The following LGSN variants were observed in gnomAD, a reference collection of about 807,000 sequenced individuals.
LGSN encodes the protein lengsin.
LGSN carries 21 observed loss-of-function variants against 19.5 expected under a neutral mutation model. The ratio of observed to expected loss-of-function variants is 1.07; its 90% CI spans 0.76 to 1.55. The LOEUF (loss-of-function observed/expected upper bound fraction) is 1.55, where lower values mean the gene tolerates loss of function less well. Among genes scored for constraint, LGSN ranks in the 40% most tolerant of loss-of-function variants. The pLI is 0.00. For synonymous variants in LGSN, 257 were observed against 215.6 expected, an observed-to-expected ratio of 1.19 and a Z score of -1.68; for missense variants, 673 against 608.5, an observed-to-expected ratio of 1.11 and a Z score of -1.12.
At chr6:63,492,879 C>A in the LGSN span, among the ~76,000 whole-genome samples, 2 of 152,122 alleles carry the variant, frequency 1.3e-5, no homozygotes, top group African/African-American at 2.4e-5. Flanking sequence ...TAAAGATATT[C>A]GAAGTTATAT....
At chr6:63,328,354 A>G in the LGSN span, among the ~76,000 whole-genome samples, 1 of 152,160 alleles carries the variant, frequency 6.6e-6, no homozygotes, top group Non-Finnish European at 1.5e-5. Context: ...CTGGGAGAAA[A>G]GGGGCAGGGT....
At chr6:63,332,004 A>G in the LGSN span, among the ~76,000 whole-genome samples, 2 of 152,140 alleles carry the variant, frequency 1.3e-5, no homozygotes, top group Non-Finnish European at 2.9e-5. Flanking sequence ...AGGGATCTTC[A>G]GGGTTGGAAG....
chr6:63,500,171 G>T, the LGSN span, among the ~76,000 whole-genome samples: 1 of 152,006 alleles, frequency 6.6e-6, no homozygotes, highest in Non-Finnish European at 1.5e-5. Flanking sequence ...GTTAACAGAG[G>T]CCCCTCCCTT....
At chr6:63,422,747 T>A in the LGSN span, among the ~76,000 whole-genome samples, 1 of 151,852 alleles carries the variant, frequency 6.6e-6, no homozygotes, top group Non-Finnish European at 1.5e-5. Flanking sequence ...CAAAATACAA[T>A]TCTAAAAATT....
At chr6:63,548,444 C>T in the LGSN span, among the ~76,000 whole-genome samples, 1 of 152,284 alleles carries the variant, frequency 6.6e-6, no homozygotes, top group Admixed American at 6.5e-5. Context: ...ATTTATATGT[C>T]CTTATGCCAC....
chr6:63,411,003 C>G, the LGSN span, among the ~76,000 whole-genome samples: 2 of 152,136 alleles, frequency 1.3e-5, no homozygotes, highest in African/African-American at 4.8e-5. Context: ...GAGACACCTA[C>G]TGAGTTAGTA....
the LGSN span, among the ~76,000 whole-genome samples, chr6:63,427,577 C>A: frequency 6.6e-6 from 1 of 152,072 alleles, no homozygotes. Flanking sequence ...AAAACAAATA[C>A]ACAGCATAAA....
At chr6:63,442,623 T>C in the LGSN span, among the ~76,000 whole-genome samples, 13 of 151,998 alleles carry the variant, frequency 8.6e-5, 1 homozygote, top group Admixed American at 5.9e-4. Flanking sequence ...TGCTGACTGG[T>C]ACGTTTACAA....
chr6:63,383,371 TACACACACAC>T, the LGSN span, among the ~76,000 whole-genome samples: 2 of 139,198 alleles, frequency 1.4e-5, no homozygotes, highest in East Asian at 2.1e-4. Context: ...AACCATTACT[TACACACACAC>T]ACACACACAC....
chr6:63,294,061 C>T (rs1189921630), intron 2 of LGSN, among the ~76,000 whole-genome samples: 1 of 152,102 alleles, frequency 6.6e-6, no homozygotes, highest in Non-Finnish European at 1.5e-5. Flanking sequence ...GGTGAGGTGG[C>T]TCATGTCTGT....
At chr6:63,352,528 G>A in the LGSN span, among the ~76,000 whole-genome samples, 1 of 152,016 alleles carries the variant, frequency 6.6e-6, no homozygotes, top group African/African-American at 2.4e-5. Context: ...AGGTGTGGTG[G>A]TACATGCCTG....
the LGSN span, among the ~76,000 whole-genome samples, chr6:63,562,201 CTTTT>C: frequency 1.5e-5 from 2 of 137,334 alleles, no homozygotes; most frequent in Admixed American, 7.3e-5. Context: ...TTTTCTTTTT[CTTTT>C]TTTTTTTTTT....
At chr6:63,495,891 C>T in the LGSN span, among the ~76,000 whole-genome samples, 1 of 152,006 alleles carries the variant, frequency 6.6e-6, no homozygotes, top group Admixed American at 6.6e-5. Context: ...GGAACACTCA[C>T]ATGTAATGTC....
At chr6:63,475,407 C>T in the LGSN span, among the ~76,000 whole-genome samples, 1 of 151,814 alleles carries the variant, frequency 6.6e-6, no homozygotes, top group Non-Finnish European at 1.5e-5. Context: ...CATACCAACC[C>T]AACATGGTAT....
Position 63,279,910 on chromosome 6 carries a change from G to T in LGSN, c.*111C>A. The T allele has an allele frequency of 9.7e-7, 1 of 1,029,530 alleles. No homozygotes were observed. The highest frequency in any genetic ancestry group is 1.4e-6 in the Non-Finnish European group (1 of 702,678). 63.8% of individuals were successfully genotyped at this position (1,029,530 alleles called of 1,614,324 possible). On this transcript the variant is annotated 3_prime_UTR_variant, in exon 4 of 4. Transcript: ENST00000370657. Reference sequence around the variant, plus strand: ...ACAAAAAAAAAAGTCAAAAGCATTCGTAATCTTGTTATTGTTGCTGTTGTT... The same window carrying T: ...ACAAAAAAAAAAGTCAAAAGCATTCTTAATCTTGTTATTGTTGCTGTTGTT...
the LGSN span, among the ~76,000 whole-genome samples, chr6:63,504,228 C>T: frequency 1.4e-5 from 2 of 143,180 alleles, no homozygotes; most frequent in Non-Finnish European, 3.0e-5. Flanking sequence ...CCTCTTCCTC[C>T]CTGGTTCAAG....
chr6:63,472,154 G>A, the LGSN span, among the ~76,000 whole-genome samples: 1 of 152,082 alleles, frequency 6.6e-6, no homozygotes, highest in South Asian at 2.1e-4. Flanking sequence ...GCTGATTCTT[G>A]TGTCTAATGA....
chr6:63,335,273 C>A, the LGSN span, among the ~76,000 whole-genome samples: 1 of 151,836 alleles, frequency 6.6e-6, no homozygotes, highest in African/African-American at 2.4e-5. Flanking sequence ...AAAATAAATT[C>A]AGAATAGGTA....
rs1478972462 is a variant in LGSN at position 63,281,047 on chromosome 6, C to A, written c.504G>T (p.Val168=). 1 of 1,614,004 alleles carries A rather than the reference C, an allele frequency of 6.2e-7. No individual in the cohort carries two copies. The highest frequency in any genetic ancestry group is 1.3e-5 in the African/African-American group (1 of 74,988). Residue 168 remains valine, a synonymous_variant, in exon 4 of 4, where the codon GTG becomes GTT. Transcript: ENST00000370657. ...CAGTCACAGTGAAGGTATCACATAT[C>A]ACTCTTGCAGTTCTGTCAGCCCATG... ...VLPWADRTAR[V]ICDTFTVTGE... is the part of the protein sequence containing the mutation.
Sources: allele counts gnomAD v4.1 joint callset (sites outside exome capture counted in the v4.1 genomes callset), GRCh38; gene constraint gnomAD v4.1.1; transcripts MANE v1.5; gene names NCBI Gene and HGNC (gene_info 2026-07-23, HGNC 2026-07-21).